Variants in L2HGDH observed in about 807,000 individuals in gnomAD.
L2HGDH encodes the protein L-2-hydroxyglutarate dehydrogenase.
L2HGDH carries 34 observed loss-of-function variants against 51.5 expected under a neutral mutation model. That is an observed-to-expected ratio of 0.66 (90% CI 0.50 to 0.88). L2HGDH has a LOEUF of 0.88. Among genes scored for constraint, L2HGDH ranks in the 40% least tolerant of loss-of-function variants. The pLI is 0.00. For missense variants in L2HGDH, 558 were observed against 571.9 expected (o/e 0.98, Z 0.25); for synonymous variants, 198 against 197.9 (o/e 1.00, Z -0.01).
intron 4 of L2HGDH, among the ~76,000 whole-genome samples, chr14:50,291,224 AC>A (rs1165647891): frequency 0.024 from 3,106 of 130,062 alleles, 214 homozygotes; most frequent in Non-Finnish European, 0.033. Flanking sequence ...AAAAAAAAAA[AC>A]AAACAAAAAA....
chr14:50,292,057 G>A (rs1890913353), intron 4 of L2HGDH, among the ~76,000 whole-genome samples: 1 of 152,066 alleles, frequency 6.6e-6, no homozygotes, highest in African/African-American at 2.4e-5. Flanking sequence ...CTATTAATGA[G>A]AGTATCAGAA....
chr14:50,299,956 A>T lies in L2HGDH; in HGVS notation c.408+2061T>A, dbSNP rs1022706540. The T allele has an allele frequency of 2.6e-5, 4 of 152,366 alleles. No homozygotes were observed. In the East Asian group the frequency reaches 5.8e-4, roughly 22 times the overall value. The allele number at this position is 152,366 out of a possible 1,614,324, so 9.4% of individuals were successfully genotyped here. On this transcript the variant is annotated intron_variant, in intron 3 of 9. Coordinates refer to ENST00000267436, the MANE Select transcript of L2HGDH (RefSeq NM_024884.3). The stretch of plus-strand genomic sequence containing the variant: ...GAGGACATTATCTTAGGTGAAATAA[A>T]CCAAGCACAGAAAGATAAATACTGC...
chr14:50,275,705 ATG>A (rs1187357930), intron 6 of L2HGDH, among the ~76,000 whole-genome samples: 1 of 152,214 alleles, frequency 6.6e-6, no homozygotes, highest in Non-Finnish European at 1.5e-5. Flanking sequence ...GGCTGGGGCA[ATG>A]TCCTCCAGGA....
chr14:50,247,596 T>G (rs931652118), intron 9 of L2HGDH, among the ~76,000 whole-genome samples: 3 of 152,356 alleles, frequency 2.0e-5, no homozygotes, highest in African/African-American at 7.2e-5. Context: ...ATTTATAGAA[T>G]GAATTTATTA....
intron 9 of L2HGDH, among the ~76,000 whole-genome samples, chr14:50,257,062 A>G (rs916832701): frequency 6.6e-6 from 1 of 152,040 alleles, no homozygotes; most frequent in Non-Finnish European, 1.5e-5. Flanking sequence ...CAGCCTCCCA[A>G]GTAGCTGGGA....
At chr14:50,307,247 C>A (rs1187005451) in intron 1 of L2HGDH, among the ~76,000 whole-genome samples, 1 of 152,184 alleles carries the variant, frequency 6.6e-6, no homozygotes, top group Admixed American at 6.5e-5. Context: ...TATCAATAAA[C>A]CCTTCTTATT....
intron 6 of L2HGDH, among the ~76,000 whole-genome samples, chr14:50,272,390 T>C (rs1034145708): frequency 6.6e-6 from 1 of 152,154 alleles, no homozygotes; most frequent in Admixed American, 6.5e-5. Flanking sequence ...AATTCTTCTT[T>C]GAATGGAAAG....
Position 50,267,755 on chromosome 14 carries a change from A to C in L2HGDH, c.1062T>G (p.Asn354Lys). The change falls in exon 8 of 10, where the codon AAT (asparagine) becomes AAG (lysine). Residue 354 changes from asparagine (N) to lysine (K), a missense_variant and splice_region_variant. By Grantham distance (94) the Asn-to-Lys change is moderately conservative. Coordinates refer to ENST00000267436, the MANE Select transcript of L2HGDH (RefSeq NM_024884.3). ...TTTTTAAAAATAAATAATGTTACCT[A>C]TTGATAATTATATCCATAACATCTG... is the stretch of plus-strand genomic sequence containing the variant. The part of the protein sequence containing the change: ...SATDVMDIII[N>K]SGLIKLASQN... 2 of 1,605,556 alleles carry C rather than the reference A, an allele frequency of 1.2e-6. No homozygotes were observed. Among genetic ancestry groups the C allele is most frequent in the East Asian group, 4.5e-5 (2 of 44,820 alleles).
In L2HGDH at chr14:50,244,886, G is replaced by A. The variant is rs1403401269; in HGVS notation, c.*2172C>T. On this transcript the variant is annotated 3_prime_UTR_variant, in exon 10 of 10. Transcript: ENST00000267436. The stretch of plus-strand genomic sequence containing the variant: ...ACAGTAGAAGATGAATCCTGAGAGA[G>A]CAAATCAGAGAGAATGGATGAAAAT... The A allele has an allele frequency of 3.0e-6, 3 of 985,324 alleles. No homozygotes were observed. The highest frequency in any genetic ancestry group is 3.5e-5 in the African/African-American group (2 of 57,240). 61.0% of individuals were successfully genotyped at this position (985,324 alleles called of 1,614,324 possible).
intron 1 of L2HGDH, among the ~76,000 whole-genome samples, chr14:50,305,965 GT>G (rs1360764215): frequency 6.6e-6 from 1 of 151,202 alleles, no homozygotes; most frequent in Non-Finnish European, 1.5e-5. Flanking sequence ...ATTTTTTACT[GT>G]TTTTTCCAAA....
intron 6 of L2HGDH, among the ~76,000 whole-genome samples, chr14:50,277,215 T>TC (rs1890027245): frequency 6.6e-6 from 1 of 151,768 alleles, no homozygotes; most frequent in African/African-American, 2.4e-5. Context: ...TTGTTTTTTT[T>TC]TTTGAGAGTT....
At chr14:50,252,961 A>G (rs1446219487) in intron 9 of L2HGDH, among the ~76,000 whole-genome samples, 1 of 152,156 alleles carries the variant, frequency 6.6e-6, no homozygotes, top group East Asian at 1.9e-4. Flanking sequence ...AGAACATTTC[A>G]TCCAATGGCT....
chr14:50,302,020 G>C lies in L2HGDH; in HGVS notation c.405C>G (p.Gly135=), dbSNP rs754321607. 1.2e-6 allele frequency: 2 copies of C among 1,614,008 alleles called. No homozygotes were observed. The highest frequency in any genetic ancestry group is 3.3e-5 in the Admixed American group (2 of 60,002). Residue 135 remains glycine (G), a synonymous_variant, in exon 3 of 10, where the codon GGC becomes GGG. Transcript: ENST00000267436. ...AGGCTCTAATAAAATGCCATACCTTGCCACACTGCTTGTAGGAAATTCCCT... is the reference window on the plus strand; with the variant it reads ...AGGCTCTAATAAAATGCCATACCTTCCCACACTGCTTGTAGGAAATTCCCT... ...QQKGISYKQC[G]KLIVAVEQEE... is the part of the protein sequence containing the mutation.
At chr14:50,253,175 C>T (rs1305228503) in intron 9 of L2HGDH, among the ~76,000 whole-genome samples, 3 of 151,786 alleles carry the variant, frequency 2.0e-5, no homozygotes, top group Admixed American at 6.6e-5. Context: ...ACAATATGAT[C>T]CAGAATGGGA....
At chr14:50,249,504 G>A (rs535133856) in intron 9 of L2HGDH, among the ~76,000 whole-genome samples, 7 of 151,970 alleles carry the variant, frequency 4.6e-5, no homozygotes, top group Admixed American at 6.5e-5. Context: ...TGTGAGGCCC[G>A]CATTATAGGC....
chr14:50,285,230 G>C (rs935961580), intron 4 of L2HGDH, among the ~76,000 whole-genome samples: 1 of 152,198 alleles, frequency 6.6e-6, no homozygotes, highest in African/African-American at 2.4e-5. Flanking sequence ...CTGGGCAACA[G>C]AGTGAGACTT....
chr14:50,294,026 T>A (rs1028408119), intron 4 of L2HGDH, 89 bp downstream of exon 4: 2 of 1,441,498 alleles, frequency 1.4e-6, no homozygotes, highest in Non-Finnish European at 1.9e-6. Context: ...ACTGATTTTA[T>A]ATTATTCCTG....
chr14:50,289,960 A>G (rs1878508783), intron 4 of L2HGDH, among the ~76,000 whole-genome samples: 1 of 152,162 alleles, frequency 6.6e-6, no homozygotes, highest in African/African-American at 2.4e-5. Flanking sequence ...AGTAAAGGAT[A>G]ATATGTCAAA....
At chr14:50,269,361 A>C (rs753438196) in intron 6 of L2HGDH, 31 bp from the exon 7 acceptor site, 2 of 1,605,548 alleles carry the variant, frequency 1.2e-6, no homozygotes, top group Non-Finnish European at 1.7e-6. Flanking sequence ...AGTTATTTGT[A>C]TAAAGTGGAG....
Sources: allele counts gnomAD v4.1 joint callset (sites outside exome capture counted in the v4.1 genomes callset), GRCh38; gene constraint gnomAD v4.1.1; transcripts MANE v1.5; gene names NCBI Gene and HGNC (gene_info 2026-07-23, HGNC 2026-07-21).